The following ANO1 variants were observed in gnomAD, a reference collection of about 807,000 sequenced individuals.
The protein encoded by ANO1 is anoctamin 1.
A neutral mutation model predicts 124.0 loss-of-function variants in ANO1; 59 were observed. The observed-to-expected ratio is 0.48, with a 90% CI of 0.39 to 0.59. ANO1 has a LOEUF of 0.59. ANO1 is among the 20% of genes least tolerant of loss of function. ANO1 has a pLI of 0.00. For synonymous variants in ANO1, 529 were observed against 532.0 expected (o/e 0.99, Z 0.08); for missense variants, 1,059 against 1,328.0 (o/e 0.80, Z 3.15).
intron 8 of ANO1, among the ~76,000 whole-genome samples, chr11:70,122,012 G>A (rs11234814): frequency 8.2e-6 from 1 of 121,710 alleles, no homozygotes; most frequent in African/African-American, 3.2e-5. Context: ...CTCTGTCTCT[G>A]TCTCTCTCTC....
chr11:70,153,886 C>T (rs903164117), intron 14 of ANO1, among the ~76,000 whole-genome samples: 1 of 152,108 alleles, frequency 6.6e-6, no homozygotes, highest in Non-Finnish European at 1.5e-5. Flanking sequence ...ATGCCTCAGC[C>T]TCCCGGGTAC....
At chr11:70,152,901 G>A (rs2047662656) in intron 13 of ANO1, among the ~76,000 whole-genome samples, 156 bp from the exon 14 acceptor site, 1 of 152,242 alleles carries the variant, frequency 6.6e-6, no homozygotes, top group Admixed American at 6.5e-5. Flanking sequence ...ACCACAGATG[G>A]GGTGATTACA....
chr11:70,081,521 G>C (rs916610634), intron 1 of ANO1, among the ~76,000 whole-genome samples: 10 of 152,180 alleles, frequency 6.6e-5, no homozygotes, highest in African/African-American at 2.4e-4. Flanking sequence ...ACTATAATTT[G>C]AAGAGTCTCA....
At chr11:70,053,717 G>T (rs535881309) in intron 1 of ANO1, among the ~76,000 whole-genome samples, 34 of 152,212 alleles carry the variant, frequency 2.2e-4, no homozygotes, top group Admixed American at 1.0e-3. Flanking sequence ...TTGGGAAATG[G>T]TCTCTCTCCC....
At chr11:69,988,008 G>C (rs545803899) in intron 1 of ANO1, among the ~76,000 whole-genome samples, 15 of 152,268 alleles carry the variant, frequency 9.9e-5, no homozygotes, top group Admixed American at 2.6e-4. Flanking sequence ...TAGCAGCCGT[G>C]TCAGGAGTAA....
intron 1 of ANO1, among the ~76,000 whole-genome samples, chr11:70,000,585 T>C (rs1554999101): frequency 6.6e-6 from 1 of 151,064 alleles, no homozygotes; most frequent in Non-Finnish European, 1.5e-5. Flanking sequence ...AGACTGATAC[T>C]CTGGAAGACT....
chr11:70,110,294 C>T (rs994245642), intron 6 of ANO1, among the ~76,000 whole-genome samples: 2 of 148,116 alleles, frequency 1.4e-5, no homozygotes, highest in Non-Finnish European at 3.0e-5. Flanking sequence ...TTAAGCAATT[C>T]TCCTGCCTCA....
the ANO1 span, among the ~76,000 whole-genome samples, chr11:69,966,534 G>A: frequency 1.3e-5 from 2 of 152,224 alleles, no homozygotes; most frequent in Non-Finnish European, 1.5e-5. Context: ...CCTGGCATTC[G>A]GACCTGCCAC....
At chr11:70,030,431 T>G (rs1287648322) in intron 1 of ANO1, among the ~76,000 whole-genome samples, 1 of 152,214 alleles carries the variant, frequency 6.6e-6, no homozygotes, top group Non-Finnish European at 1.5e-5. Context: ...ACTTAGAGGC[T>G]GAAAACAATA....
intron 10 of ANO1, among the ~76,000 whole-genome samples, chr11:70,129,012 A>T (rs979041591): frequency 8.5e-5 from 13 of 152,166 alleles, no homozygotes; most frequent in Non-Finnish European, 1.8e-4. Flanking sequence ...GCTGGCGATG[A>T]TGGGGATGGC....
At chr11:69,984,695 AG>A (rs1263636705), upstream of ANO1, among the ~76,000 whole-genome samples, 1 of 152,108 alleles carries the variant, frequency 6.6e-6, no homozygotes, top group East Asian at 1.9e-4. Context: ...CTCCAGGGGT[AG>A]CCGGGTCTGT....
At chr11:70,117,701 C>G (rs2046044507) in intron 8 of ANO1, among the ~76,000 whole-genome samples, 1 of 152,288 alleles carries the variant, frequency 6.6e-6, no homozygotes, top group Admixed American at 6.5e-5. Context: ...ATCTGCTGGT[C>G]CTTCCACAGG....
At chr11:70,134,839 G>A (rs946098472) in intron 11 of ANO1, among the ~76,000 whole-genome samples, 25 of 152,204 alleles carry the variant, frequency 1.6e-4, no homozygotes, top group African/African-American at 6.0e-4. Flanking sequence ...TCAAGAGAAG[G>A]CCCCATGGGA....
rs544424697 is a variant in ANO1 at position 70,105,874 on chromosome 11, CCCGGTGGAAG to C, written c.747+91_747+100del. 330 of 1,372,376 alleles carry C rather than the reference CCCGGTGGAAG, an allele frequency of 2.4e-4. 2 individuals carry two copies. The Middle Eastern group carries it at 8.4e-3, about 35-fold the overall frequency. 85.0% of individuals were successfully genotyped at this position (1,372,376 alleles called of 1,614,324 possible). On this transcript the variant is annotated intron_variant, in intron 5 of 25. Coordinates refer to ENST00000355303, the MANE Select transcript of ANO1 (RefSeq NM_018043.7). ...ATAATTTCATTTTGGTGAAACTCCT[CCCGGTGGAAG>C]CCGGCTCTAATTGTCTGTGACAGAA...
intron 2 of ANO1, among the ~76,000 whole-genome samples, chr11:70,092,694 TC>T (rs1238783242): frequency 1.3e-5 from 2 of 152,038 alleles, no homozygotes; most frequent in Non-Finnish European, 2.9e-5. Context: ...AGGAGAGGCT[TC>T]CCCAGAGCAA....
At chr11:69,975,497 G>A in the ANO1 span, among the ~76,000 whole-genome samples, 1 of 152,240 alleles carries the variant, frequency 6.6e-6, no homozygotes, top group African/African-American at 2.4e-5. Context: ...TAAACTGAGG[G>A]AGCTGAGCAA....
chr11:70,092,333 G>T (rs1187212433), intron 2 of ANO1, among the ~76,000 whole-genome samples: 2 of 152,216 alleles, frequency 1.3e-5, no homozygotes, highest in African/African-American at 4.8e-5. Flanking sequence ...ACATATCTTT[G>T]TAGGGGACAC....
chr11:70,148,046 C>T (rs2047450056), intron 11 of ANO1, among the ~76,000 whole-genome samples: 1 of 152,200 alleles, frequency 6.6e-6, no homozygotes, highest in South Asian at 2.1e-4. Context: ...AAGCCCTATT[C>T]GCACCTCGCC....
chr11:70,145,542 C>T (rs569063725), intron 11 of ANO1, among the ~76,000 whole-genome samples: 100 of 151,426 alleles, frequency 6.6e-4, no homozygotes, highest in Non-Finnish European at 1.3e-3. Flanking sequence ...CGCCAGGTTA[C>T]ATTCTAGGCT....
Sources: allele counts gnomAD v4.1 joint callset (sites outside exome capture counted in the v4.1 genomes callset), GRCh38; gene constraint gnomAD v4.1.1; transcripts MANE v1.5; gene names NCBI Gene and HGNC (gene_info 2026-07-23, HGNC 2026-07-21).